Variants in RAD23B observed in about 807,000 individuals in gnomAD.
RAD23B encodes lysine-specific demethylase RAD23B.
A neutral mutation model predicts 49.1 loss-of-function variants in RAD23B; 5 were observed. The observed-to-expected ratio is 0.10, with a 90% CI of 0.05 to 0.21. The LOEUF (loss-of-function observed/expected upper bound fraction) is 0.21, where lower values mean the gene tolerates loss of function less well. Ranked by LOEUF, RAD23B falls within the 10% of genes least tolerant of loss-of-function variation. The pLI is 1.00. For synonymous variants in RAD23B, 184 were observed against 165.4 expected (o/e 1.11, Z -0.86); for missense variants, 356 against 486.7 (o/e 0.73, Z 2.53).
chr9:107,321,788 A>G (rs193164384), intron 6 of RAD23B, among the ~76,000 whole-genome samples, 195 bp from the exon 7 acceptor site: 7 of 152,316 alleles, frequency 4.6e-5, no homozygotes, highest in African/African-American at 1.7e-4. Flanking sequence ...GGGTTTTTCT[A>G]TAATGCACCC....
chr9:107,322,123 A>C lies in RAD23B; in HGVS notation c.817+5A>C. 2 of 1,594,260 alleles carry C rather than the reference A, an allele frequency of 1.3e-6. No individual in the cohort carries two copies. Among genetic ancestry groups the C allele is most frequent in the South Asian group, 1.1e-5 (1 of 87,950 alleles). ...CTACAACAACAAGTTCTGGAGGTAA[A>C]GCGGAATCTTCTGGATGGGGAGGGA... On this transcript the variant is annotated splice_donor_5th_base_variant and intron_variant, in intron 7 of 9. Transcript: ENST00000358015.
At position 107,329,720 on chromosome 9, in the gene RAD23B, T is replaced by G; in HGVS notation, c.*64T>G. 8.7e-7 allele frequency: 1 copy of G among 1,155,854 alleles called. No homozygotes were observed. The highest frequency in any genetic ancestry group is 1.3e-5 in the South Asian group (1 of 77,760). 71.6% of individuals were successfully genotyped at this position (1,155,854 alleles called of 1,614,324 possible). On this transcript the variant is annotated 3_prime_UTR_variant, in exon 10 of 10. Coordinates refer to ENST00000358015, the MANE Select transcript of RAD23B (RefSeq NM_002874.5). ...TTACACTAACTTGTTCACTGGATTGTCTGGGATGACTTGGGCTCATATCCA... is the reference window on the plus strand; with the variant it reads ...TTACACTAACTTGTTCACTGGATTGGCTGGGATGACTTGGGCTCATATCCA...
intron 8 of RAD23B, 24 bp downstream of exon 8, chr9:107,324,041 CAA>C: frequency 6.2e-7 from 1 of 1,609,822 alleles, no homozygotes; most frequent in Non-Finnish European, 8.5e-7. Context: ...GTCAGTTTCA[CAA>C]GTGATTTAGA....
Position 107,323,892 on chromosome 9 carries a change from C to T in RAD23B, c.820C>T (p.His274Tyr), listed in dbSNP as rs1421977074. ...AGAAATGTTTATGTGTATTTTAGGA[C>T]ATCCCCTTGAATTTTTACGGAATCA... ...ATTTTTSSGG[H>Y]PLEFLRNQPQ... Residue 274 changes from histidine (H) to tyrosine (Y), a missense_variant and splice_region_variant, in exon 8 of 10, where the codon CAT (histidine) becomes TAT (tyrosine). His to Tyr is a moderately conservative substitution (Grantham distance 83). Coordinates refer to ENST00000358015, the MANE Select transcript of RAD23B (RefSeq NM_002874.5). The T allele has an allele frequency of 6.2e-7, 1 of 1,605,658 alleles. No homozygotes were observed.
At chr9:107,304,578 T>G (rs1056597244) in intron 3 of RAD23B, among the ~76,000 whole-genome samples, 5 of 152,236 alleles carry the variant, frequency 3.3e-5, no homozygotes, top group African/African-American at 1.2e-4. Context: ...TCCTAGTGTC[T>G]TCTTTATTAG....
At position 107,283,509 on chromosome 9, in the gene RAD23B, C is replaced by T. The variant is rs1833199250; in HGVS notation, c.-121C>T. ...GGCGAATGTGACAAGCCCCCACCCC[C>T]ACCGCCTTCCTCCCCAGAGCGCGAG... is the stretch of plus-strand genomic sequence containing the variant. On this transcript the variant is annotated 5_prime_UTR_variant, in exon 1 of 10. Transcript: ENST00000358015. 1.5e-6 allele frequency: 1 copy of T among 661,704 alleles called. No individual in the cohort carries two copies. The highest frequency in any genetic ancestry group is 4.3e-5 in the Admixed American group (1 of 23,154). 41.0% of individuals were successfully genotyped at this position (661,704 alleles called of 1,614,324 possible). A position where few individuals can be genotyped will look rare whatever the true frequency, so the allele number is the denominator to read the frequency against.
Position 107,283,552 on chromosome 9 carries a change from G to T in RAD23B, c.-78G>T. 8.6e-7 allele frequency: 1 copy of T among 1,166,478 alleles called. No individual in the cohort carries two copies. The highest frequency in any genetic ancestry group is 1.1e-6 in the Non-Finnish European group (1 of 883,738). The allele number at this position is 1,166,478 out of a possible 1,614,324, so 72.3% of individuals were successfully genotyped here. A position where few individuals can be genotyped will look rare whatever the true frequency, so the allele number is the denominator to read the frequency against. On this transcript the variant is annotated 5_prime_UTR_variant, in exon 1 of 10. Coordinates refer to ENST00000358015, the MANE Select transcript of RAD23B (RefSeq NM_002874.5). ...AGCGCGAGGAGCGCGGGCGACCCCGGGGCCCCGCCAGGCCACAGACCCCGC... is the reference window on the plus strand; with the variant it reads ...AGCGCGAGGAGCGCGGGCGACCCCGTGGCCCCGCCAGGCCACAGACCCCGC...
intron 2 of RAD23B, among the ~76,000 whole-genome samples, chr9:107,300,460 G>A (rs11573661): frequency 2.1e-4 from 32 of 151,038 alleles, no homozygotes; most frequent in African/African-American, 3.1e-4. Context: ...TGTAAGCATC[G>A]TGTAACTGGC....
intron 1 of RAD23B, among the ~76,000 whole-genome samples, chr9:107,294,819 G>T (rs778694174): frequency 1.4e-4 from 22 of 152,278 alleles, no homozygotes; most frequent in Non-Finnish European, 2.9e-4. Context: ...GAGTAGACAC[G>T]ATGGATTATC....
Position 107,302,660 on chromosome 9 carries a change from G to GTT in RAD23B, c.228+558_228+559dup, listed in dbSNP as rs33960546. ...AGGAAGTTTTTTTTGTTTTTGTTTT[G>GTT]TTTTTTTTTTTTTGAGACGGAGTCT... On this transcript the variant is annotated intron_variant, in intron 3 of 9. Transcript: ENST00000358015. Among the ~76,000 whole-genome samples the GTT allele has an allele frequency of 2.3e-3, 329 of 143,252 alleles. 3 individuals are homozygous for GTT. The highest frequency in any genetic ancestry group is 0.015 in the Middle Eastern group (4 of 274). The allele number at this position is 143,252 out of a possible 152,430, so 94.0% of individuals were successfully genotyped here.
chr9:107,293,715 A>C (rs928370371), intron 1 of RAD23B, among the ~76,000 whole-genome samples: 1 of 152,228 alleles, frequency 6.6e-6, no homozygotes, highest in East Asian at 1.9e-4. Context: ...TCATTATACT[A>C]TCATAGGAAT....
chr9:107,324,392 C>T (rs1428751569), intron 8 of RAD23B, among the ~76,000 whole-genome samples: 2 of 151,866 alleles, frequency 1.3e-5, no homozygotes, highest in Non-Finnish European at 2.9e-5. Flanking sequence ...TTTTAAGCAA[C>T]AGGAACAACT....
intron 3 of RAD23B, among the ~76,000 whole-genome samples, chr9:107,305,325 C>G (rs990809831): frequency 1.3e-5 from 2 of 151,878 alleles, no homozygotes; most frequent in African/African-American, 4.8e-5. Flanking sequence ...AAGAAAATCA[C>G]GAGAGAGAAT....
intron 7 of RAD23B, among the ~76,000 whole-genome samples, 180 bp from the exon 8 acceptor site, chr9:107,323,710 C>T (rs1026876678): frequency 6.6e-6 from 1 of 152,046 alleles, no homozygotes; most frequent in Non-Finnish European, 1.5e-5. Flanking sequence ...TAATTTTTGC[C>T]GTATAAAACT....
rs1419014150 is a variant in RAD23B, at chr9:107,318,706, T to G, written c.554-46T>G. The stretch of plus-strand genomic sequence containing the variant: ...AATCAATAAATGTATAGAGAATGCT[T>G]ATTTATTAAATGTTCCTTTTTTTCC... On this transcript the variant is annotated intron_variant, in intron 5 of 9. Transcript: ENST00000358015. The surrounding 1 kb of genome is among the most constrained non-coding windows in gnomAD (Gnocchi z 4.3). 1 of 1,563,786 alleles carries G rather than the reference T, an allele frequency of 6.4e-7. No homozygotes were observed. Among genetic ancestry groups the G allele is most frequent in the Non-Finnish European group, 8.8e-7 (1 of 1,141,206 alleles).
chr9:107,308,876 T>A (rs4978404), intron 4 of RAD23B, among the ~76,000 whole-genome samples: 122,836 of 152,178 alleles, frequency 0.81, 50,124 homozygotes, highest in African/African-American at 0.93. Flanking sequence ...AGATAAGCTG[T>A]TAAGACTTTG....
At position 107,325,638 on chromosome 9, in the gene RAD23B, T is replaced by C. The variant is rs189870837; in HGVS notation, c.1116+634T>C. On this transcript the variant is annotated intron_variant, in intron 9 of 9. Coordinates refer to ENST00000358015, the MANE Select transcript of RAD23B (RefSeq NM_002874.5). Reference sequence around the variant, plus strand: ...ACTGTTATTTATTCATTAAGTAGTTTGTGCATGTGTTCATTAGGATTTTCC... The same window carrying C: ...ACTGTTATTTATTCATTAAGTAGTTCGTGCATGTGTTCATTAGGATTTTCC... Among the ~76,000 whole-genome samples the C allele has an allele frequency of 5.7e-4, 87 of 152,366 alleles. 1 individual carries two copies. In the East Asian group the frequency reaches 9.6e-3, roughly 17 times the overall value.
intron 5 of RAD23B, among the ~76,000 whole-genome samples, chr9:107,312,387 G>C (rs1826905801): frequency 6.6e-6 from 1 of 152,136 alleles, no homozygotes; most frequent in Non-Finnish European, 1.5e-5. Context: ...CGAGGAATAG[G>C]TAGAAACAGC....
chr9:107,324,044 G>A, intron 8 of RAD23B, 27 bp downstream of exon 8: 4 of 1,606,058 alleles, frequency 2.5e-6, no homozygotes, highest in Non-Finnish European at 2.6e-6. Flanking sequence ...AGTTTCACAA[G>A]TGATTTAGAG....
Sources: allele counts gnomAD v4.1 joint callset (sites outside exome capture counted in the v4.1 genomes callset), GRCh38; gene constraint gnomAD v4.1.1; non-coding constraint Gnocchi (gnomAD v3.1); transcripts MANE v1.5; gene names NCBI Gene and HGNC (gene_info 2026-07-23, HGNC 2026-07-21).